The following CTIF variants were observed in gnomAD, a reference collection of about 807,000 sequenced individuals.
The protein encoded by CTIF is cap binding complex dependent translation initiation factor.
Under a neutral mutation model 66.0 loss-of-function variants are expected in CTIF, and 21 were observed. The ratio of observed to expected loss-of-function variants is 0.32; its 90% confidence interval spans 0.23 to 0.46. The LOEUF (loss-of-function observed/expected upper bound fraction) is 0.46, where lower values mean the gene tolerates loss of function less well. CTIF is among the 20% of genes least tolerant of loss of function. CTIF has a pLI of 1.00. For missense variants in CTIF, 739 were observed against 812.7 expected, an observed-to-expected ratio of 0.91 and a Z score of 1.10; for synonymous variants, 345 against 326.4, an observed-to-expected ratio of 1.06 and a Z score of -0.62.
chr18:48,811,255 TATA>T (rs1199723131), intron 9 of CTIF, among the ~76,000 whole-genome samples: 1 of 152,226 alleles, frequency 6.6e-6, no homozygotes, highest in African/African-American at 2.4e-5. Context: ...TAACCAAAAT[TATA>T]ATGACTTATT....
chr18:48,569,424 A>G (rs2089359272), intron 1 of CTIF, among the ~76,000 whole-genome samples: 1 of 152,150 alleles, frequency 6.6e-6, no homozygotes, highest in Non-Finnish European at 1.5e-5. Flanking sequence ...GCACCCAGCA[A>G]ACTTAGAATA....
intron 1 of CTIF, among the ~76,000 whole-genome samples, chr18:48,589,537 C>A (rs34860889): frequency 1.3e-5 from 2 of 152,056 alleles, no homozygotes; most frequent in Non-Finnish European, 2.9e-5. Context: ...GTCCTAGGGA[C>A]TAGGGGTCCA....
chr18:48,789,019 G>A (rs1326271746), intron 9 of CTIF, among the ~76,000 whole-genome samples: 1 of 152,166 alleles, frequency 6.6e-6, no homozygotes, highest in African/African-American at 2.4e-5. Flanking sequence ...TGCTGAGCCT[G>A]AAGAAGGTGG....
In CTIF at chr18:48,775,638, G is replaced by A. The variant is rs55855337; in HGVS notation, c.1371+13949G>A. Among the ~76,000 whole-genome samples, 553 of 152,372 alleles carry A rather than the reference G, an allele frequency of 3.6e-3. 4 individuals are homozygous for A. Among genetic ancestry groups the A allele is most frequent in the African/African-American group, 0.013 (521 of 41,594 alleles). On this transcript the variant is annotated intron_variant, in intron 9 of 11. Coordinates refer to ENST00000256413, the MANE Select transcript of CTIF (RefSeq NM_014772.3). ...ACTGGCCTCTGCCTGACACATAAAG[G>A]GGGGCAGGGCCAGCTCAGCCAGAGG...
At chr18:48,596,156 G>A (rs962301007) in intron 1 of CTIF, among the ~76,000 whole-genome samples, 2 of 152,206 alleles carry the variant, frequency 1.3e-5, no homozygotes, top group East Asian at 3.8e-4. Context: ...TTAGAAAGCT[G>A]CTTACCACGG....
chr18:48,728,086 C>T (rs533435902), intron 7 of CTIF, among the ~76,000 whole-genome samples: 1 of 152,316 alleles, frequency 6.6e-6, no homozygotes, highest in Non-Finnish European at 1.5e-5. Flanking sequence ...TCATTAAGTA[C>T]ATTTTCTGCT....
intron 9 of CTIF, among the ~76,000 whole-genome samples, chr18:48,768,994 GTC>G (rs1909849180): frequency 6.6e-6 from 1 of 152,212 alleles, no homozygotes; most frequent in African/African-American, 2.4e-5. Flanking sequence ...GGGTCGCTGA[GTC>G]TCTGAGCTTT....
intron 2 of CTIF, among the ~76,000 whole-genome samples, chr18:48,631,410 G>A (rs2090710803): frequency 6.6e-6 from 1 of 152,246 alleles, no homozygotes; most frequent in Non-Finnish European, 1.5e-5. Flanking sequence ...AGGTTGCAGT[G>A]AGCCAAGATT....
chr18:48,714,908 T>C (rs1388536202), intron 7 of CTIF, among the ~76,000 whole-genome samples: 1 of 152,098 alleles, frequency 6.6e-6, no homozygotes, highest in African/African-American at 2.4e-5. Flanking sequence ...AGAAACACGG[T>C]CTTAGTGTTG....
At chr18:48,775,397 A>T (rs1037229834) in intron 9 of CTIF, among the ~76,000 whole-genome samples, 4 of 152,316 alleles carry the variant, frequency 2.6e-5, no homozygotes, top group Admixed American at 1.3e-4. Flanking sequence ...TTCTTAGGGG[A>T]GGTCCCAGGC....
At chr18:48,579,605 T>A (rs908451324) in intron 1 of CTIF, among the ~76,000 whole-genome samples, 72 of 152,168 alleles carry the variant, frequency 4.7e-4, no homozygotes, top group Non-Finnish European at 9.4e-4. Flanking sequence ...CACACACACA[T>A]CTGCTAGCCT....
chr18:48,836,370 G>T (rs1294579402), intron 10 of CTIF, among the ~76,000 whole-genome samples: 1 of 152,166 alleles, frequency 6.6e-6, no homozygotes, highest in Non-Finnish European at 1.5e-5. Context: ...TCTAAGGGCT[G>T]TGTGGGCCCT....
At position 48,622,681 on chromosome 18, in the gene CTIF, G is replaced by A. The variant is rs149074434; in HGVS notation, c.180+2936G>A. Among the ~76,000 whole-genome samples, 135 of 152,218 alleles carry A rather than the reference G, an allele frequency of 8.9e-4. 2 individuals carry two copies. The South Asian group carries it at 0.024, about 27-fold the overall frequency. On this transcript the variant is annotated intron_variant, in intron 2 of 11. Transcript: ENST00000256413. Reference sequence around the variant, plus strand: ...ATGATCTGAAGTGGAAGGAGGAGGAGGATTAGGATAGATTGGAAAATTGTA... The same window carrying A: ...ATGATCTGAAGTGGAAGGAGGAGGAAGATTAGGATAGATTGGAAAATTGTA...
At chr18:48,786,665 G>C (rs1252205593) in intron 9 of CTIF, among the ~76,000 whole-genome samples, 1 of 152,202 alleles carries the variant, frequency 6.6e-6, no homozygotes, top group East Asian at 1.9e-4. Flanking sequence ...ATCAGTCAAG[G>C]TGATAAGTTT....
intron 1 of CTIF, among the ~76,000 whole-genome samples, chr18:48,602,892 AATGGGTGGATGG>A (rs1365097869): frequency 4.6e-4 from 52 of 113,406 alleles, no homozygotes; most frequent in African/African-American, 2.0e-3. Flanking sequence ...GATGGATAAG[AATGGGTGGATGG>A]ATGGGTGGAT....
rs1482662264 is a variant in CTIF, at chr18:48,587,229, G to A, written c.-28-32309G>A. On this transcript the variant is annotated intron_variant, in intron 1 of 11. Coordinates refer to ENST00000256413, the MANE Select transcript of CTIF (RefSeq NM_014772.3). ...CCTGAGTAGCTGGAACTACAGGTGC[G>A]CACCACCATGCCCGGCTAATTTTTG... Among the ~76,000 whole-genome samples the A allele has an allele frequency of 2.0e-5, 3 of 151,944 alleles. No homozygotes were observed. The East Asian group carries it at 5.8e-4, about 29-fold the overall frequency.
Position 48,691,996 on chromosome 18 carries a change from T to C in CTIF, c.508-19623T>C, listed in dbSNP as rs545537787. 1.2e-4 allele frequency among the ~76,000 whole-genome samples: 19 copies of C among 152,298 alleles called. No homozygotes were observed. The South Asian group carries it at 3.7e-3, about 30-fold the overall frequency. On this transcript the variant is annotated intron_variant, in intron 6 of 11. Transcript: ENST00000256413. ...TCCCGGGTTCAAGCAATTCTTGTGC[T>C]TCAGCCTCCCGAGTAGCTGGATTAC...
chr18:48,608,598 C>G (rs1042307508), intron 1 of CTIF, among the ~76,000 whole-genome samples: 3 of 152,174 alleles, frequency 2.0e-5, no homozygotes, highest in African/African-American at 7.2e-5. Flanking sequence ...TGGGCTTGAG[C>G]TGTTCTTGAG....
At chr18:48,799,157 G>A (rs2067996580) in intron 9 of CTIF, among the ~76,000 whole-genome samples, 1 of 152,218 alleles carries the variant, frequency 6.6e-6, no homozygotes, top group South Asian at 2.1e-4. Flanking sequence ...CAGATTTTAA[G>A]GGGATGATAA....
Sources: allele counts gnomAD v4.1 joint callset (sites outside exome capture counted in the v4.1 genomes callset), GRCh38; gene constraint gnomAD v4.1.1; transcripts MANE v1.5; gene names NCBI Gene and HGNC (gene_info 2026-07-23, HGNC 2026-07-21).